DYNC2H1: variants seen among roughly 807,000 people sequenced by gnomAD.
The protein encoded by DYNC2H1 is cytoplasmic dynein 2 heavy chain 1.
Under a neutral mutation model 570.0 loss-of-function variants are expected in DYNC2H1, and 410 were observed. The ratio of observed to expected loss-of-function variants is 0.72; its 90% CI spans 0.66 to 0.78. The LOEUF (loss-of-function observed/expected upper bound fraction) is 0.78. Among genes scored for constraint, DYNC2H1 ranks in the 30% least tolerant of loss-of-function variants. DYNC2H1 has a pLI of 0.00. For missense variants in DYNC2H1, 4,865 were observed against 5,046.4 expected (o/e 0.96, Z 1.09); for synonymous variants, 1,688 against 1,677.6 (o/e 1.01, Z -0.15).
intron 76 of DYNC2H1, 120 bp from the exon 77 acceptor site, chr11:103,304,475 A>G: frequency 9.0e-7 from 1 of 1,113,922 alleles, no homozygotes; most frequent in South Asian, 2.7e-5. Flanking sequence ...CTTCTTCCAA[A>G]TTTATTATTA....
intron 82 of DYNC2H1, among the ~76,000 whole-genome samples, chr11:103,330,105 A>C (rs1938699024): frequency 6.6e-6 from 1 of 152,236 alleles, no homozygotes; most frequent in Non-Finnish European, 1.5e-5. Context: ...AAGGTGAATA[A>C]AAATAGTCCC....
chr11:103,391,686 C>T (rs1221318866), intron 83 of DYNC2H1, among the ~76,000 whole-genome samples: 1 of 152,144 alleles, frequency 6.6e-6, no homozygotes, highest in East Asian at 1.9e-4. Context: ...GTGTGGATGT[C>T]CCTTCTGTTT....
chr11:103,430,998 A>G (rs1043089608), intron 84 of DYNC2H1, among the ~76,000 whole-genome samples: 1 of 152,118 alleles, frequency 6.6e-6, no homozygotes, highest in African/African-American at 2.4e-5. Context: ...ATGACTTCCT[A>G]TCTTCAGCAG....
At chr11:103,139,347 A>C (rs1287819408) in intron 17 of DYNC2H1, among the ~76,000 whole-genome samples, 3 of 151,154 alleles carry the variant, frequency 2.0e-5, no homozygotes, top group East Asian at 1.9e-4. Context: ...TCTTGTGGGC[A>C]TTTAGTGCTA....
chr11:103,406,905 T>G (rs1422270789), intron 84 of DYNC2H1: 2 of 151,940 alleles, frequency 1.3e-5, no homozygotes, highest in African/African-American at 4.8e-5. Flanking sequence ...CTTTTGGGAC[T>G]CAGAAATGAA....
chr11:103,206,246 A>G (rs660966), intron 52 of DYNC2H1, among the ~76,000 whole-genome samples: 90,887 of 151,898 alleles, frequency 0.6, 27,476 homozygotes, highest in Admixed American at 0.7. Flanking sequence ...TTGAGCAACT[A>G]GAAGGATGAA....
At chr11:103,304,374 C>A (rs1867186160) in intron 76 of DYNC2H1, among the ~76,000 whole-genome samples, 1 of 151,948 alleles carries the variant, frequency 6.6e-6, no homozygotes, top group Non-Finnish European at 1.5e-5. Flanking sequence ...ACAGATTGTA[C>A]CTGTTACTAG....
chr11:103,124,437 C>A (rs1227931241), intron 11 of DYNC2H1, among the ~76,000 whole-genome samples: 4 of 111,666 alleles, frequency 3.6e-5, no homozygotes, highest in Non-Finnish European at 7.3e-5. Flanking sequence ...TGGAGCAATA[C>A]CCTGTCTCAA....
intron 82 of DYNC2H1, among the ~76,000 whole-genome samples, chr11:103,333,219 TTG>T (rs1938916203): frequency 6.6e-6 from 1 of 152,168 alleles, no homozygotes. Context: ...TGTTATAAAA[TTG>T]TGTGTGTAAA....
chr11:103,307,462 A>T (rs1289194522), intron 77 of DYNC2H1, among the ~76,000 whole-genome samples: 1 of 152,158 alleles, frequency 6.6e-6, no homozygotes, highest in Non-Finnish European at 1.5e-5. Flanking sequence ...TAAGTCAAAG[A>T]GACCAAGGTC....
chr11:103,367,015 A>G (rs1008569555), intron 83 of DYNC2H1, among the ~76,000 whole-genome samples: 1 of 152,160 alleles, frequency 6.6e-6, no homozygotes, highest in Non-Finnish European at 1.5e-5. Context: ...TTAGTTTAAT[A>G]TCATGGGTCA....
rs192922640 is a variant in DYNC2H1 at position 103,232,069 on chromosome 11, G to A, written c.9440+723G>A. 1.1e-3 allele frequency among the ~76,000 whole-genome samples: 172 copies of A among 151,986 alleles called. 3 individuals carry two copies. Among genetic ancestry groups the A allele is most frequent in the Non-Finnish European group, 4.6e-4 (31 of 67,844 alleles). On this transcript the variant is annotated intron_variant, in intron 60 of 88. Transcript: ENST00000375735. ...ATCATTTTTTCCAGGTATTATTAGAGAAGTATAAGAAAAATAAGTATAATG... is the reference window on the plus strand; with the variant it reads ...ATCATTTTTTCCAGGTATTATTAGAAAAGTATAAGAAAAATAAGTATAATG...
At chr11:103,115,665 G>A (rs1337186710) in intron 4 of DYNC2H1, among the ~76,000 whole-genome samples, 1 of 152,008 alleles carries the variant, frequency 6.6e-6, no homozygotes, top group Non-Finnish European at 1.5e-5. Context: ...GGGCGTGGTG[G>A]TGAGCGCCTA....
chr11:103,376,378 A>T (rs1272198002), intron 83 of DYNC2H1, among the ~76,000 whole-genome samples: 1 of 152,064 alleles, frequency 6.6e-6, no homozygotes, highest in African/African-American at 2.4e-5. Context: ...TGTTTTTTAG[A>T]TCTTTGGTCC....
Position 103,369,186 on chromosome 11 carries a change from T to G in DYNC2H1, c.12156+10827T>G, listed in dbSNP as rs534670532. Among the ~76,000 whole-genome samples, 2 of 152,238 alleles carry G rather than the reference T, an allele frequency of 1.3e-5. No individual in the cohort carries two copies. Among genetic ancestry groups the G allele is most frequent in the South Asian group, 4.1e-4 (2 of 4,822 alleles). ...GGGGAGAGGGAGATTGCAGCATTTG[T>G]GAGGCACTGAACCCAGTGCTGCCCT... On this transcript the variant is annotated intron_variant, in intron 83 of 88. Coordinates refer to ENST00000375735, the MANE Select transcript of DYNC2H1 (RefSeq NM_001377.3). The surrounding 1 kb of genome is among the most constrained non-coding windows in gnomAD (Gnocchi z 4.0).
intron 75 of DYNC2H1, among the ~76,000 whole-genome samples, chr11:103,298,334 GT>G (rs932637701): frequency 1.3e-5 from 2 of 151,200 alleles, no homozygotes; most frequent in African/African-American, 2.4e-5. Flanking sequence ...CTTAAGAGAG[GT>G]TTTTTTTTCC....
At chr11:103,456,882 A>T (rs1007945283) in intron 87 of DYNC2H1, among the ~76,000 whole-genome samples, 1 of 152,234 alleles carries the variant, frequency 6.6e-6, no homozygotes, top group Non-Finnish European at 1.5e-5. Context: ...ATATTATATA[A>T]AATTACCTTT....
chr11:103,399,138 G>GTTTTTTTTTTT (rs34549261), intron 83 of DYNC2H1, among the ~76,000 whole-genome samples: 5 of 113,906 alleles, frequency 4.4e-5, no homozygotes, highest in South Asian at 2.9e-4. Flanking sequence ...TTCCCACACC[G>GTTTTTTTTTTT]TTTTTTTTTT....
intron 54 of DYNC2H1, among the ~76,000 whole-genome samples, chr11:103,212,196 G>A (rs920109274): frequency 6.6e-6 from 1 of 151,724 alleles, no homozygotes; most frequent in African/African-American, 2.4e-5. Context: ...ATAGCTTATG[G>A]TACTCTCTTT....
Sources: gnomAD v4.1 joint callset for allele counts (sites outside exome capture counted in the v4.1 genomes callset) on GRCh38, gnomAD v4.1.1 for gene constraint, Gnocchi (gnomAD v3.1) non-coding constraint, MANE v1.5 for transcripts, NCBI Gene and HGNC (gene_info 2026-07-23, HGNC 2026-07-21) for gene names.